Variants in SUGP1 observed in about 807,000 individuals in gnomAD.
SUGP1 encodes the protein SURP and G-patch domain-containing protein 1.
SUGP1 carries 34 observed loss-of-function variants against 76.5 expected under a neutral mutation model. The ratio of observed to expected loss-of-function variants is 0.44; its 90% confidence interval spans 0.34 to 0.59. The LOEUF (loss-of-function observed/expected upper bound fraction) is 0.59. Ranked by LOEUF, SUGP1 falls within the 20% of genes least tolerant of loss-of-function variation. The pLI, the probability that SUGP1 is intolerant of heterozygous loss-of-function variation, is 0.01. For missense variants in SUGP1, 752 were observed against 851.7 expected (o/e 0.88, Z 1.46); for synonymous variants, 326 against 326.2 (o/e 1.00, Z 0.01).
intron 1 of SUGP1, among the ~76,000 whole-genome samples, chr19:19,316,886 C>T (rs929225247): frequency 6.6e-6 from 1 of 152,044 alleles, no homozygotes; most frequent in Non-Finnish European, 1.5e-5. Flanking sequence ...GCCTGCAATC[C>T]CAGCACTTTG....
At chr19:19,308,738 A>G (rs1357421010) in intron 3 of SUGP1, among the ~76,000 whole-genome samples, 1 of 152,266 alleles carries the variant, frequency 6.6e-6, no homozygotes, top group Non-Finnish European at 1.5e-5. Context: ...CCCATCTCCC[A>G]AAGTGGTCTC....
In SUGP1 at chr19:19,277,703, T is replaced by A. The variant is rs770147826; in HGVS notation, c.1781+31A>T. Reference sequence around the variant, plus strand: ...AGGGGACCCACAGACCCCAAGTTCATGGCCATGCCCTCCCACAAGGCCACA... The same window carrying A: ...AGGGGACCCACAGACCCCAAGTTCAAGGCCATGCCCTCCCACAAGGCCACA... On this transcript the variant is annotated intron_variant, in intron 12 of 13. Coordinates refer to ENST00000247001, the MANE Select transcript of SUGP1 (RefSeq NM_172231.4). 160 of 1,609,680 alleles carry A rather than the reference T, an allele frequency of 9.9e-5. 1 individual carries two copies. In the East Asian group the frequency reaches 3.5e-3, roughly 35 times the overall value.
Position 19,277,739 on chromosome 19 carries a change from C to T in SUGP1, c.1776G>A (p.Val592=), listed in dbSNP as rs2061065096. 6.2e-7 allele frequency: 1 copy of T among 1,613,762 alleles called. No individual in the cohort carries two copies. Among genetic ancestry groups the T allele is most frequent in the Non-Finnish European group, 8.5e-7 (1 of 1,179,926 alleles). The stretch of plus-strand genomic sequence containing the variant: ...TCCCACAAGGCCACACTCACTTGTT[C>T]ACTGGGTTCTTGATGCCCTGGCCCT... ...GSEGQGIKNP[V]NKGTTTVDGA... is the part of the protein sequence containing the mutation. The change falls in exon 12 of 14, where the codon GTG becomes GTA. Residue 592 remains valine, a synonymous_variant. Transcript: ENST00000247001.
chr19:19,277,003 A>C lies in SUGP1; in HGVS notation c.1855T>G (p.Tyr619Asp), dbSNP rs1599841618. The change falls in exon 13 of 14, where the codon TAT (tyrosine) becomes GAT (aspartate). Residue 619 changes from tyrosine to aspartate, a missense_variant. Tyr to Asp is a radical substitution (Grantham distance 160). Around this residue, in one of 2 missense-constraint regions of SUGP1, gnomAD observed 132 missense variants for 234.4 expected, o/e 0.56. Coordinates refer to ENST00000247001, the MANE Select transcript of SUGP1 (RefSeq NM_172231.4). ...ATCATCCTCTTGCGGAACGCCTCAT[A>C]CTCGTCGTCCTCCTTGGAGAGCTCC... ...PAELSKEDDEYEAFRKRMMLA... is the reference protein window; with the variant it reads ...PAELSKEDDEDEAFRKRMMLA... 6.2e-7 allele frequency: 1 copy of C among 1,612,848 alleles called. No individual in the cohort carries two copies. The highest frequency in any genetic ancestry group is 8.5e-7 in the Non-Finnish European group (1 of 1,179,982).
In SUGP1 at chr19:19,297,405, G is replaced by A. The variant is rs1371439735; in HGVS notation, c.888-61C>T. ...GGCCCGAGGCCCTGTCCCTGATTCT[G>A]GGCAGGAGCAGTTCTGGCCTTGTGT... On this transcript the variant is annotated intron_variant, in intron 7 of 13. Transcript: ENST00000247001. 3.3e-5 allele frequency: 46 copies of A among 1,411,276 alleles called. No individual in the cohort carries two copies. In the East Asian group the frequency reaches 6.3e-4, roughly 19 times the overall value. The allele number at this position is 1,411,276 out of a possible 1,614,324, so 87.4% of individuals were successfully genotyped here.
At chr19:19,319,706 CAAAAAA>C (rs570232030) in intron 1 of SUGP1, among the ~76,000 whole-genome samples, 1,150 of 69,256 alleles carry the variant, frequency 0.017, 20 homozygotes, top group African/African-American at 0.05. Flanking sequence ...GACCCTGTCT[CAAAAAA>C]AAAAAAAAAA....
intron 8 of SUGP1, among the ~76,000 whole-genome samples, chr19:19,292,178 TA>T: frequency 2.1e-5 from 3 of 141,994 alleles, no homozygotes; most frequent in African/African-American, 7.9e-5. Context: ...GAGGCTGACG[TA>T]GGAGAATTGC....
intron 4 of SUGP1, 120 bp downstream of exon 4, chr19:19,305,729 G>C (rs748023266): frequency 1.0e-6 from 1 of 974,142 alleles, no homozygotes; most frequent in Non-Finnish European, 1.5e-6. Context: ...CAGAGGTCTG[G>C]TGGCTGCAAC....
At chr19:19,311,945 G>A (rs576933401) in intron 2 of SUGP1, among the ~76,000 whole-genome samples, 5 of 151,120 alleles carry the variant, frequency 3.3e-5, no homozygotes, top group South Asian at 4.2e-4. Flanking sequence ...GCCACTGCAC[G>A]TCTGCCTGGG....
At position 19,297,319 on chromosome 19, in the gene SUGP1, C is replaced by CTA; in HGVS notation, c.912_913insTA (p.Gly305Ter). On this transcript the variant is annotated frameshift_variant, in exon 8 of 14. Transcript: ENST00000247001. LOFTEE classifies it high-confidence loss of function. ...AGCTTCTGTCGGTAGTACTTGTACC[C>CTA]TTGGCTATTGGGCTCATACAGAAAG... is the stretch of plus-strand genomic sequence containing the variant. 2 of 1,523,986 alleles carry CTA rather than the reference C, an allele frequency of 1.3e-6. No individual in the cohort carries two copies. Among genetic ancestry groups the CTA allele is most frequent in the Admixed American group, 4.2e-5 (2 of 47,692 alleles). The allele number at this position is 1,523,986 out of a possible 1,614,324, so 94.4% of individuals were successfully genotyped here.
At chr19:19,319,166 C>G (rs12977937) in intron 1 of SUGP1, among the ~76,000 whole-genome samples, 63,683 of 151,886 alleles carry the variant, frequency 0.42, 14,786 homozygotes, top group African/African-American at 0.62. Context: ...AGGTTGCAGT[C>G]AGCCGACATC....
intron 8 of SUGP1, among the ~76,000 whole-genome samples, chr19:19,285,819 C>T (rs1335612840): frequency 3.3e-5 from 5 of 152,150 alleles, no homozygotes; most frequent in Admixed American, 3.3e-4. Context: ...CCCACCTCGG[C>T]CTCCCAAAGC....
Position 19,279,395 on chromosome 19 carries a change from A to C in SUGP1, c.1351-5T>G. ...CATGTCGTACATCTGCTGCATCTGC[A>C]GGGCACACTCGCCAGTGAGCCAGGG... On this transcript the variant is annotated splice_polypyrimidine_tract_variant and splice_region_variant and intron_variant, in intron 9 of 13. Transcript: ENST00000247001. The C allele has an allele frequency of 6.3e-7, 1 of 1,594,940 alleles. No homozygotes were observed. Among genetic ancestry groups the C allele is most frequent in the Non-Finnish European group, 8.5e-7 (1 of 1,173,488 alleles).
chr19:19,276,566 AG>A lies in SUGP1; in HGVS notation c.*81del. On this transcript the variant is annotated 3_prime_UTR_variant, in exon 14 of 14. Coordinates refer to ENST00000247001, the MANE Select transcript of SUGP1 (RefSeq NM_172231.4). ...ACGGCACGGCACTCGTGACAACGGA[AG>A]GGGTGGGCAGAAATGCAGGCCGGAA... 6 of 1,554,386 alleles carry A rather than the reference AG, an allele frequency of 3.9e-6. No individual in the cohort carries two copies. The highest frequency in any genetic ancestry group is 5.3e-6 in the Non-Finnish European group (6 of 1,127,814).
At chr19:19,280,329 G>A in intron 8 of SUGP1, 38 bp from the exon 9 acceptor site, 1 of 1,580,006 alleles carries the variant, frequency 6.3e-7, no homozygotes, top group Middle Eastern at 1.7e-4. Context: ...GAGCCTGACA[G>A]GTGCACCCCG....
intron 8 of SUGP1, among the ~76,000 whole-genome samples, chr19:19,290,088 TA>T (rs2061169856): frequency 6.6e-6 from 1 of 152,018 alleles, no homozygotes; most frequent in African/African-American, 2.4e-5. Flanking sequence ...TCTAGAATTT[TA>T]AGAAGGTGGT....
chr19:19,299,256 C>T (rs1320808720), intron 7 of SUGP1, among the ~76,000 whole-genome samples: 1 of 152,282 alleles, frequency 6.6e-6, no homozygotes, highest in African/African-American at 2.4e-5. Context: ...TTCCCTCACA[C>T]TGGGCTGCCA....
chr19:19,303,170 G>A (rs2061285089), intron 6 of SUGP1, among the ~76,000 whole-genome samples, 178 bp downstream of exon 6: 1 of 152,206 alleles, frequency 6.6e-6, no homozygotes, highest in Non-Finnish European at 1.5e-5. Flanking sequence ...GGAGCACTGA[G>A]GGGGAAGGTG....
chr19:19,287,138 GCA>G (rs1231445521), intron 8 of SUGP1, among the ~76,000 whole-genome samples: 1 of 151,974 alleles, frequency 6.6e-6, no homozygotes, highest in Non-Finnish European at 1.5e-5. Flanking sequence ...CTAGGCATGG[GCA>G]CACACTTGTA....
Sources: gnomAD v4.1 joint callset for allele counts (sites outside exome capture counted in the v4.1 genomes callset) on GRCh38, gnomAD v4.1.1 for gene constraint, gnomAD v4.1.1 regional missense constraint, MANE v1.5 for transcripts, NCBI Gene and HGNC (gene_info 2026-07-23, HGNC 2026-07-21) for gene names.